SOX6: variants seen among roughly 807,000 people sequenced by gnomAD.
SOX6 encodes transcription factor SOX-6.
In SOX6, 11 loss-of-function variants were observed where a neutral mutation model predicts 97.8. The ratio of observed to expected loss-of-function variants is 0.11; its 90% CI spans 0.07 to 0.19. The LOEUF (loss-of-function observed/expected upper bound fraction) is 0.19, where lower values mean the gene tolerates loss of function less well. Among genes scored for constraint, SOX6 ranks in the 10% least tolerant of loss-of-function variants. SOX6 has a pLI of 1.00. For missense variants in SOX6, 810 were observed against 1,039.5 expected (o/e 0.78, Z 3.04); for synonymous variants, 360 against 371.4 (o/e 0.97, Z 0.35).
At chr11:16,692,056 CGTGTGTGTGTGT>C (rs755479047) in intron 3 of SOX6, among the ~76,000 whole-genome samples, 2 of 144,290 alleles carry the variant, frequency 1.4e-5, no homozygotes, top group African/African-American at 5.2e-5. Context: ...TTTGCGTGTG[CGTGTGTGTGTGT>C]GTGTGTGTGT....
At chr11:16,215,704 A>T (rs1852353921) in intron 4 of SOX6, among the ~76,000 whole-genome samples, 3 of 152,184 alleles carry the variant, frequency 2.0e-5, no homozygotes, top group African/African-American at 7.2e-5. Context: ...TGAAAAATTT[A>T]AATTAAAAGG....
intron 4 of SOX6, among the ~76,000 whole-genome samples, chr11:16,563,027 G>A (rs1222847174): frequency 6.6e-6 from 1 of 152,058 alleles, no homozygotes. Context: ...TGGATTTCAA[G>A]CAAAAATCAC....
At chr11:16,540,875 T>G (rs1263531498) in intron 4 of SOX6, among the ~76,000 whole-genome samples, 1 of 152,046 alleles carries the variant, frequency 6.6e-6, no homozygotes, top group African/African-American at 2.4e-5. Flanking sequence ...AGAATCAATA[T>G]CGTGAAAATG....
chr11:16,330,421 G>A (rs1171081114), intron 2 of SOX6, among the ~76,000 whole-genome samples: 2 of 152,120 alleles, frequency 1.3e-5, no homozygotes, highest in Non-Finnish European at 2.9e-5. Context: ...CAGGCATGGT[G>A]GCACACACCT....
intron 4 of SOX6, among the ~76,000 whole-genome samples, chr11:16,583,603 GTATATATATACA>G (rs1848051936): frequency 1.3e-4 from 3 of 22,672 alleles, no homozygotes; most frequent in African/African-American, 5.4e-4. Flanking sequence ...GTATATATGT[GTATATATATACA>G]TATATATATA....
chr11:16,172,950 C>T (rs1018375053), intron 6 of SOX6, among the ~76,000 whole-genome samples: 1 of 151,884 alleles, frequency 6.6e-6, no homozygotes, highest in Non-Finnish European at 1.5e-5. Flanking sequence ...GTGAGAAGAA[C>T]AACTTCTGCT....
intron 3 of SOX6, among the ~76,000 whole-genome samples, chr11:16,243,175 C>A (rs1853242778): frequency 6.6e-6 from 1 of 151,986 alleles, no homozygotes; most frequent in Non-Finnish European, 1.5e-5. Flanking sequence ...ACTTGCTGAG[C>A]ACATATCTGT....
At chr11:16,665,203 C>T (rs1459170445) in intron 3 of SOX6, among the ~76,000 whole-genome samples, 1 of 152,006 alleles carries the variant, frequency 6.6e-6, no homozygotes, top group Non-Finnish European at 1.5e-5. Flanking sequence ...TGTCTTGCAG[C>T]TTCAATACCA....
chr11:16,579,619 G>A (rs891643396), intron 4 of SOX6, among the ~76,000 whole-genome samples: 4 of 151,846 alleles, frequency 2.6e-5, no homozygotes, highest in Non-Finnish European at 5.9e-5. Flanking sequence ...AATCATCTAC[G>A]TTATTACAAA....
intron 4 of SOX6, among the ~76,000 whole-genome samples, chr11:16,502,732 G>C (rs1450883436): frequency 6.6e-6 from 1 of 152,088 alleles, no homozygotes; most frequent in African/African-American, 2.4e-5. Flanking sequence ...ACCATAAAGT[G>C]ACCTAATATT....
intron 3 of SOX6, among the ~76,000 whole-genome samples, chr11:16,637,144 A>G (rs1053536962): frequency 6.6e-6 from 1 of 151,782 alleles, no homozygotes; most frequent in South Asian, 2.1e-4. Context: ...TTACTTTCCC[A>G]TTCATTTATA....
At chr11:16,468,675 T>C (rs1860086273) in intron 1 of SOX6, among the ~76,000 whole-genome samples, 1 of 152,192 alleles carries the variant, frequency 6.6e-6, no homozygotes, top group Admixed American at 6.5e-5. Flanking sequence ...ACAGAATCAA[T>C]ACAGTTTTAC....
intron 3 of SOX6, among the ~76,000 whole-genome samples, chr11:16,686,768 G>A (rs1847972336): frequency 6.6e-6 from 1 of 152,126 alleles, no homozygotes. Flanking sequence ...TTACTCCTCA[G>A]TATCAATTTT....
Position 16,592,346 on chromosome 11 carries a change from G to GT in SOX6, n.609+19734dup, listed in dbSNP as rs201291919. Among the ~76,000 whole-genome samples, 533 of 149,386 alleles carry GT rather than the reference G, an allele frequency of 3.6e-3. 6 individuals carry two copies. Among genetic ancestry groups the GT allele is most frequent in the African/African-American group, 0.013 (513 of 40,436 alleles). ...TATTTCCTCTCCATGAATATCCCAA[G>GT]TTATGCCCCTTTGACCTCAGGTACT... On this transcript the variant is annotated intron_variant and non_coding_transcript_variant, in intron 4 of 5. Transcript: ENST00000524520.
intron 3 of SOX6, among the ~76,000 whole-genome samples, chr11:16,706,471 A>T (rs868291309): frequency 1.7e-3 from 37 of 22,216 alleles, no homozygotes; most frequent in South Asian, 2.8e-3. Flanking sequence ...AAAAAAAAAA[A>T]ATATATATAT....
intron 9 of SOX6, among the ~76,000 whole-genome samples, chr11:16,071,911 A>T (rs77710325): frequency 3.2e-5 from 4 of 126,156 alleles, no homozygotes; most frequent in Middle Eastern, 3.6e-3. Flanking sequence ...TAAGAAGATT[A>T]AAAAAAAAAA....
At chr11:16,592,334 T>A (rs559401287) in intron 4 of SOX6, among the ~76,000 whole-genome samples, 2 of 149,324 alleles carry the variant, frequency 1.3e-5, no homozygotes, top group South Asian at 4.4e-4. Context: ...TTCCTCTCCA[T>A]GAATATCCCA....
chr11:16,527,164 T>C (rs1861180038), intron 4 of SOX6, among the ~76,000 whole-genome samples: 1 of 150,694 alleles, frequency 6.6e-6, no homozygotes, highest in African/African-American at 2.5e-5. Context: ...CCTAGAGCAC[T>C]GAAGAGGGAA....
chr11:16,158,931 C>G (rs1347823439), intron 6 of SOX6, among the ~76,000 whole-genome samples: 1 of 151,362 alleles, frequency 6.6e-6, no homozygotes, highest in Non-Finnish European at 1.5e-5. Flanking sequence ...ACAGAAAAGT[C>G]TCACAAAGGT....
Sources: gnomAD v4.1 joint callset for allele counts (sites outside exome capture counted in the v4.1 genomes callset) on GRCh38, gnomAD v4.1.1 for gene constraint, MANE v1.5 for transcripts, NCBI Gene and HGNC (gene_info 2026-07-23, HGNC 2026-07-21) for gene names.